PTK2: variants seen among roughly 807,000 people sequenced by gnomAD.
The protein encoded by PTK2 is protein tyrosine kinase 2.
A neutral mutation model predicts 150.1 loss-of-function variants in PTK2; 45 were observed. That is an observed-to-expected ratio of 0.30 (90% CI 0.24 to 0.38). The LOEUF is 0.38. Among genes scored for constraint, PTK2 ranks in the 10% least tolerant of loss-of-function variants. PTK2 has a pLI of 1.00. For missense variants in PTK2, 919 were observed against 1,307.3 expected (o/e 0.70, Z 4.58); for synonymous variants, 432 against 449.2 (o/e 0.96, Z 0.48).
chr8:141,000,672 GC>G lies in PTK2; in HGVS notation c.-122+452del, dbSNP rs547987586. ...CGCGCGCCCGGCCTTTTCGAAAGCCGCCCCCCCCTTCCTCCTCACGTCTCCC... is the reference window on the plus strand; with the variant it reads ...CGCGCGCCCGGCCTTTTCGAAAGCCGCCCCCCCTTCCTCCTCACGTCTCCC... On this transcript the variant is annotated intron_variant, in intron 1 of 31. Transcript: ENST00000522684. Among the ~76,000 whole-genome samples, 797 of 105,992 alleles carry G rather than the reference GC, an allele frequency of 7.5e-3. 10 individuals are homozygous for G. The highest frequency in any genetic ancestry group is 0.024 in the African/African-American group (649 of 26,638). The allele number at this position is 105,992 out of a possible 152,430, so 69.5% of individuals were successfully genotyped here.
chr8:140,683,761 T>C (rs1009218101), intron 27 of PTK2, among the ~76,000 whole-genome samples: 1 of 103,966 alleles, frequency 9.6e-6, no homozygotes, highest in African/African-American at 3.8e-5. Flanking sequence ...TACAGGATTA[T>C]CTCAATAGAT....
chr8:140,885,955 A>G (rs1431263882), intron 3 of PTK2, among the ~76,000 whole-genome samples: 1 of 152,144 alleles, frequency 6.6e-6, no homozygotes, highest in Non-Finnish European at 1.5e-5. Flanking sequence ...CAGACTAAGG[A>G]GAGCAAGTAG....
chr8:140,788,829 A>T (rs2100086551), intron 14 of PTK2, among the ~76,000 whole-genome samples: 1 of 152,230 alleles, frequency 6.6e-6, no homozygotes, highest in African/African-American at 2.4e-5. Flanking sequence ...ATGGTTACGT[A>T]TGTATATATG....
At chr8:140,975,722 G>A (rs1014733944) in intron 1 of PTK2, among the ~76,000 whole-genome samples, 4 of 152,142 alleles carry the variant, frequency 2.6e-5, no homozygotes, top group African/African-American at 9.7e-5. Flanking sequence ...GAAGTCTGCC[G>A]ACCCCTGAGG....
At chr8:140,970,149 C>T (rs2100186731) in intron 1 of PTK2, among the ~76,000 whole-genome samples, 1 of 152,230 alleles carries the variant, frequency 6.6e-6, no homozygotes, top group South Asian at 2.1e-4. Flanking sequence ...GACCTCTGCC[C>T]ATCTCAGATG....
chr8:140,668,575 G>A, intron 29 of PTK2, 151 bp from the exon 34 acceptor site: 1 of 836,644 alleles, frequency 1.2e-6, no homozygotes, highest in East Asian at 2.8e-5. Context: ...TTCAGATTGA[G>A]AATGACAGTA....
chr8:140,800,026 T>TA (rs1163175881), intron 12 of PTK2, among the ~76,000 whole-genome samples: 3 of 152,214 alleles, frequency 2.0e-5, no homozygotes, highest in African/African-American at 4.8e-5. Context: ...CATCATGACT[T>TA]AGACTGTACT....
At chr8:140,857,040 G>A (rs1367449301) in intron 5 of PTK2, among the ~76,000 whole-genome samples, 2 of 152,086 alleles carry the variant, frequency 1.3e-5, no homozygotes, top group South Asian at 2.1e-4. Context: ...ATACAATGTC[G>A]TAGAAAAAAT....
chr8:140,872,398 T>C (rs2100143064), intron 4 of PTK2, among the ~76,000 whole-genome samples: 1 of 152,220 alleles, frequency 6.6e-6, no homozygotes, highest in Admixed American at 6.5e-5. Context: ...GCCTACATTA[T>C]ACAATCAATA....
intron 18 of PTK2, among the ~76,000 whole-genome samples, chr8:140,746,007 AAAAAAAG>A (rs1338709885): frequency 1.2e-4 from 18 of 152,084 alleles, no homozygotes; most frequent in South Asian, 2.1e-4. Flanking sequence ...CTCAAAAAAA[AAAAAAAG>A]AAAAAAGAAA....
chr8:140,874,216 G>A (rs2100144250), intron 4 of PTK2, among the ~76,000 whole-genome samples: 1 of 152,190 alleles, frequency 6.6e-6, no homozygotes, highest in Non-Finnish European at 1.5e-5. Flanking sequence ...AAATACGTGT[G>A]CTGCAAGCTA....
rs111951893 is a variant in PTK2 at position 140,864,481 on chromosome 8, T to C, written c.363-82A>G. 1,321 of 673,760 alleles carry C rather than the reference T, an allele frequency of 2.0e-3. 18 individuals carry two copies. In the African/African-American group the frequency reaches 0.022, roughly 11 times the overall value. 41.7% of individuals were successfully genotyped at this position (673,760 alleles called of 1,614,324 possible). On this transcript the variant is annotated intron_variant, in intron 4 of 31. Coordinates refer to ENST00000522684, the Ensembl canonical transcript of PTK2. ...GTCTACAATTATAATATTGTGAGTATAGCATTCCTAATTACTCTGAAAGAT... is the reference window on the plus strand; with the variant it reads ...GTCTACAATTATAATATTGTGAGTACAGCATTCCTAATTACTCTGAAAGAT...
intron 1 of PTK2, among the ~76,000 whole-genome samples, chr8:140,931,404 A>C (rs552618994): frequency 7.6e-4 from 115 of 152,162 alleles, no homozygotes; most frequent in African/African-American, 2.4e-3. Flanking sequence ...TCTATAAAAA[A>C]ATACCAAACA....
At chr8:140,910,552 G>C (rs2100162711) in intron 2 of PTK2, among the ~76,000 whole-genome samples, 1 of 151,144 alleles carries the variant, frequency 6.6e-6, no homozygotes, top group South Asian at 2.1e-4. Flanking sequence ...ACCCTTGAAA[G>C]TGACTGCTAT....
At chr8:140,797,546 T>C (rs1413319537) in intron 12 of PTK2, among the ~76,000 whole-genome samples, 1 of 152,230 alleles carries the variant, frequency 6.6e-6, no homozygotes, top group Non-Finnish European at 1.5e-5. Flanking sequence ...AAATGCACAG[T>C]ATTCACCATC....
At chr8:140,764,438 C>G in intron 14 of PTK2, 148 bp from the exon 17 acceptor site, 1 of 627,066 alleles carries the variant, frequency 1.6e-6, no homozygotes, top group Non-Finnish European at 2.8e-6. Context: ...TTTGCTCACA[C>G]ATGAGTCATT....
At chr8:140,790,591 A>G (rs1348248696) in intron 13 of PTK2, among the ~76,000 whole-genome samples, 1 of 152,212 alleles carries the variant, frequency 6.6e-6, no homozygotes, top group Non-Finnish European at 1.5e-5. Flanking sequence ...AGCATTTTGA[A>G]CTTTGAAGTT....
At chr8:140,692,769 C>A (rs958040216) in intron 26 of PTK2, among the ~76,000 whole-genome samples, 1 of 152,058 alleles carries the variant, frequency 6.6e-6, no homozygotes, top group Non-Finnish European at 1.5e-5. Flanking sequence ...GCTTTCAAAT[C>A]TGGAATCTGG....
At chr8:140,738,046 T>C (rs1257799706) in intron 21 of PTK2, among the ~76,000 whole-genome samples, 2 of 152,208 alleles carry the variant, frequency 1.3e-5, no homozygotes, top group African/African-American at 4.8e-5. Context: ...CTGGATCAAG[T>C]TATTTTTATT....
Sources: gnomAD v4.1 joint callset for allele counts (sites outside exome capture counted in the v4.1 genomes callset) on GRCh38, gnomAD v4.1.1 for gene constraint, MANE v1.5 for transcripts, NCBI Gene and HGNC (gene_info 2026-07-23, HGNC 2026-07-21) for gene names.